The following PDE4D variants were observed in gnomAD, a reference collection of about 807,000 sequenced individuals.
PDE4D encodes phosphodiesterase 4D.
PDE4D carries 24 observed loss-of-function variants against 87.4 expected under a neutral mutation model. That is an observed-to-expected ratio of 0.27 (90% CI 0.20 to 0.39). The LOEUF (loss-of-function observed/expected upper bound fraction) is 0.39. Among genes scored for constraint, PDE4D ranks in the 10% least tolerant of loss-of-function variants. The pLI is 1.00. For synonymous variants in PDE4D, 384 were observed against 383.2 expected (o/e 1.00, Z -0.02); for missense variants, 714 against 1,041.0 (o/e 0.69, Z 4.32).
intron 5 of PDE4D, among the ~76,000 whole-genome samples, chr5:59,076,639 A>G (rs1765721636): frequency 6.6e-6 from 1 of 152,178 alleles, no homozygotes; most frequent in Non-Finnish European, 1.5e-5. Flanking sequence ...AAGAATTGTT[A>G]TTGAGCAGAT....
intron 1 of PDE4D, among the ~76,000 whole-genome samples, chr5:60,214,891 A>G (rs888646787): frequency 6.6e-6 from 1 of 152,190 alleles, no homozygotes; most frequent in Non-Finnish European, 1.5e-5. Context: ...TTAAAGTTCC[A>G]TCATCTGAAA....
intron 1 of PDE4D, among the ~76,000 whole-genome samples, chr5:59,422,138 A>G (rs192021698): frequency 6.6e-6 from 1 of 152,328 alleles, no homozygotes; most frequent in Admixed American, 6.5e-5. Context: ...GGGGATGATG[A>G]GGCCTGAGGA....
At chr5:59,454,449 A>G (rs1813483) in intron 1 of PDE4D, among the ~76,000 whole-genome samples, 2,481 of 152,292 alleles carry the variant, frequency 0.016, 73 homozygotes, top group African/African-American at 0.055. Flanking sequence ...GCCGCCATCC[A>G]TGTAAGACGT....
intron 2 of PDE4D, among the ~76,000 whole-genome samples, chr5:60,004,208 C>T (rs1764268073): frequency 6.6e-6 from 1 of 152,034 alleles, no homozygotes; most frequent in Admixed American, 6.6e-5. Flanking sequence ...AGGAAACAAT[C>T]AGCAAAATGA....
chr5:60,068,613 C>T (rs113442205), intron 2 of PDE4D, among the ~76,000 whole-genome samples: 280 of 151,704 alleles, frequency 1.8e-3, no homozygotes, highest in African/African-American at 6.4e-3. Context: ...CTATTATTTG[C>T]AATAGGGTCT....
At chr5:60,077,763 T>C (rs2152901108) in intron 2 of PDE4D, among the ~76,000 whole-genome samples, 1 of 152,244 alleles carries the variant, frequency 6.6e-6, no homozygotes, top group Middle Eastern at 3.4e-3. Flanking sequence ...CCCTTCCACT[T>C]CTCTAAGCAG....
chr5:59,310,065 G>A (rs944465358), intron 1 of PDE4D, among the ~76,000 whole-genome samples: 1 of 152,128 alleles, frequency 6.6e-6, no homozygotes, highest in African/African-American at 2.4e-5. Context: ...CCTGGTGGGC[G>A]ACAGCAGAGG....
At chr5:59,764,701 G>T (rs916724336) in intron 1 of PDE4D, among the ~76,000 whole-genome samples, 4 of 141,120 alleles carry the variant, frequency 2.8e-5, no homozygotes, top group Admixed American at 1.5e-4. Context: ...TGTCACCCAG[G>T]CTGGAGTGCA....
intron 1 of PDE4D, among the ~76,000 whole-genome samples, chr5:59,744,064 A>T (rs1489495639): frequency 6.6e-6 from 1 of 152,098 alleles, no homozygotes; most frequent in African/African-American, 2.4e-5. Context: ...ATAGTTCCTC[A>T]CTCTCATAAA....
chr5:59,474,998 C>T (rs1375124580), intron 1 of PDE4D, among the ~76,000 whole-genome samples: 2 of 151,728 alleles, frequency 1.3e-5, no homozygotes, highest in East Asian at 3.9e-4. Context: ...CAGCATGAAC[C>T]AATATAATTT....
intron 3 of PDE4D, among the ~76,000 whole-genome samples, chr5:59,912,843 A>C (rs902151997): frequency 2.0e-5 from 3 of 152,240 alleles, no homozygotes; most frequent in African/African-American, 7.2e-5. Context: ...AAATCTAAAA[A>C]CAAACACTTC....
At chr5:59,879,299 T>C (rs975823564) in intron 1 of PDE4D, among the ~76,000 whole-genome samples, 4 of 152,204 alleles carry the variant, frequency 2.6e-5, no homozygotes, top group Non-Finnish European at 5.9e-5. Flanking sequence ...AGTTAAGGAA[T>C]CTTTAGCAAA....
At chr5:60,166,738 A>G (rs918386723) in intron 2 of PDE4D, among the ~76,000 whole-genome samples, 2 of 152,096 alleles carry the variant, frequency 1.3e-5, no homozygotes, top group African/African-American at 4.8e-5. Flanking sequence ...TTTTTTTAAC[A>G]CAGGTCTGGC....
intron 1 of PDE4D, among the ~76,000 whole-genome samples, chr5:60,451,800 T>C (rs1012770142): frequency 6.6e-6 from 1 of 152,102 alleles, no homozygotes; most frequent in African/African-American, 2.4e-5. Context: ...CCAGTTACAT[T>C]ATCGGCTCAA....
intron 6 of PDE4D, among the ~76,000 whole-genome samples, chr5:59,035,961 C>T (rs955204880): frequency 1.3e-5 from 2 of 152,184 alleles, no homozygotes; most frequent in Non-Finnish European, 2.9e-5. Context: ...CAACCCTAGC[C>T]TTGGCCAAGA....
At chr5:60,219,393 C>T (rs1744238155) in intron 1 of PDE4D, among the ~76,000 whole-genome samples, 1 of 152,036 alleles carries the variant, frequency 6.6e-6, no homozygotes, top group South Asian at 2.1e-4. Context: ...TCTTGTTGAA[C>T]ATAACATTTT....
chr5:59,658,824 G>A (rs1379354087), intron 1 of PDE4D, among the ~76,000 whole-genome samples: 2 of 144,688 alleles, frequency 1.4e-5, no homozygotes, highest in Non-Finnish European at 1.5e-5. Flanking sequence ...GTGAGTGTTC[G>A]TGTGTGTGTG....
At chr5:59,363,568 G>A (rs553126289) in intron 1 of PDE4D, among the ~76,000 whole-genome samples, 1 of 152,260 alleles carries the variant, frequency 6.6e-6, no homozygotes, top group African/African-American at 2.4e-5. Context: ...AAAACAATTG[G>A]TGTCAGGTAT....
chr5:59,439,311 G>A (rs1164086118), intron 1 of PDE4D, among the ~76,000 whole-genome samples: 1 of 146,186 alleles, frequency 6.8e-6, no homozygotes, highest in African/African-American at 2.6e-5. Context: ...AGTGAGTGAA[G>A]ATCGTGCCAC....
Sources: allele counts gnomAD v4.1 joint callset (sites outside exome capture counted in the v4.1 genomes callset), GRCh38; gene constraint gnomAD v4.1.1; transcripts MANE v1.5; gene names NCBI Gene and HGNC (gene_info 2026-07-23, HGNC 2026-07-21).